Variants in LPA observed in about 807,000 individuals in gnomAD.
LPA encodes apolipoprotein(a).
Under a neutral mutation model 197.9 loss-of-function variants are expected in LPA, and 199 were observed. That is an observed-to-expected ratio of 1.01 (90% CI 0.90 to 1.13). LPA has a LOEUF of 1.13. LPA is among the 50% of genes most tolerant of loss of function. The pLI, the probability that LPA is intolerant of heterozygous loss-of-function variation, is 0.00. For missense variants in LPA, 1,853 were observed against 1,785.8 expected (o/e 1.04, Z -0.68); for synonymous variants, 715 against 639.5 (o/e 1.12, Z -1.78).
chr6:160,600,728 C>T (rs1371162857), intron 19 of LPA, among the ~76,000 whole-genome samples, 189 bp downstream of exon 19: 2 of 152,106 alleles, frequency 1.3e-5, no homozygotes, highest in East Asian at 1.9e-4. Flanking sequence ...AGACACAGCT[C>T]GCACAGGTTG....
Position 160,599,666 on chromosome 6 carries a change from T to C in LPA, c.3128-7A>G. ...GGGGTTTCCTCAGTCAGTGCTGAAATTAAAACAGAAGACATCAAGCTTATT... is the reference window on the plus strand; with the variant it reads ...GGGGTTTCCTCAGTCAGTGCTGAAACTAAAACAGAAGACATCAAGCTTATT... On this transcript the variant is annotated splice_polypyrimidine_tract_variant and splice_region_variant and intron_variant, in intron 19 of 38. Transcript: ENST00000316300. 6.2e-7 allele frequency: 1 copy of C among 1,613,846 alleles called. No individual in the cohort carries two copies. Among genetic ancestry groups the C allele is most frequent in the South Asian group, 1.1e-5 (1 of 91,072 alleles).
intron 26 of LPA, 60 bp from the exon 27 acceptor site, chr6:160,578,764 C>T (rs1778735359): frequency 9.3e-6 from 15 of 1,610,396 alleles, no homozygotes; most frequent in Non-Finnish European, 1.3e-5. Context: ...GGGCACTTAG[C>T]GCCCTCTACA....
At chr6:160,652,690 G>A (rs1780028939) in intron 1 of LPA, among the ~76,000 whole-genome samples, 3 of 151,966 alleles carry the variant, frequency 2.0e-5, no homozygotes, top group Middle Eastern at 6.8e-3. Context: ...GATTATTCAG[G>A]GTAAAAATAG....
intron 30 of LPA, among the ~76,000 whole-genome samples, chr6:160,549,378 C>T (rs749732504): frequency 6.0e-4 from 92 of 152,244 alleles, no homozygotes; most frequent in African/African-American, 1.8e-3. Context: ...CTAGAGGAAC[C>T]GGTATACGGA....
In LPA at chr6:160,608,168, T is replaced by C. The variant is rs556884174; in HGVS notation, c.2604-1510A>G. On this transcript the variant is annotated intron_variant, in intron 16 of 38. Transcript: ENST00000316300. ...CTACATTTGCCAATTGCTGGGTTCTTCATTACATGGGCTGCAGAAAGTTCC... is the reference window on the plus strand; with the variant it reads ...CTACATTTGCCAATTGCTGGGTTCTCCATTACATGGGCTGCAGAAAGTTCC... 1.6e-3 allele frequency among the ~76,000 whole-genome samples: 251 copies of C among 152,194 alleles called. 1 individual carries two copies. The highest frequency in any genetic ancestry group is 2.9e-3 in the Non-Finnish European group (198 of 68,046).
intron 1 of LPA, among the ~76,000 whole-genome samples, chr6:160,655,962 G>T (rs1582904254): frequency 2.0e-5 from 3 of 152,270 alleles, no homozygotes; most frequent in South Asian, 4.1e-4. Flanking sequence ...GCTTCTGGTG[G>T]GTCTTATGGA....
chr6:160,534,650 CATT>C (rs1777858202), intron 37 of LPA, among the ~76,000 whole-genome samples: 1 of 152,206 alleles, frequency 6.6e-6, no homozygotes, highest in African/African-American at 2.4e-5. Flanking sequence ...GATCTGATGT[CATT>C]ATTAACATGT....
intron 28 of LPA, among the ~76,000 whole-genome samples, chr6:160,570,577 A>G (rs1252095023): frequency 6.6e-6 from 1 of 152,210 alleles, no homozygotes; most frequent in Non-Finnish European, 1.5e-5. Context: ...TGGCACATGT[A>G]TACATATGTA....
At chr6:160,600,847 C>T (rs369538398) in intron 19 of LPA, 70 bp downstream of exon 19, 47 of 1,529,296 alleles carry the variant, frequency 3.1e-5, no homozygotes, top group South Asian at 2.3e-4. Flanking sequence ...AAGGGTTGTG[C>T]GTCAGTGGGG....
In LPA at chr6:160,661,377, G is replaced by C. The variant is rs557687975; in HGVS notation, c.49+2789C>G. ...AGCAGCGAGACTTCTAGGGAATACA[G>C]GGTCAGGGGAGGTTCTGAAAGATGA... On this transcript the variant is annotated intron_variant, in intron 1 of 38. Transcript: ENST00000316300. Among the ~76,000 whole-genome samples the C allele has an allele frequency of 3.3e-5, 5 of 152,270 alleles. No individual in the cohort carries two copies. The East Asian group carries it at 9.7e-4, about 29-fold the overall frequency.
rs759709456 is a variant in LPA at position 160,542,678 on chromosome 6, CT to C, written c.5519+9del. On this transcript the variant is annotated intron_variant, in intron 34 of 38. Transcript: ENST00000316300. Reference sequence around the variant, plus strand: ...AGGACAGTATAGATGGTTTCTGGGCCTGTTCTTACCTTGTTCTGAGACTGAC... The same window carrying C: ...AGGACAGTATAGATGGTTTCTGGGCCGTTCTTACCTTGTTCTGAGACTGAC... 50 of 1,612,796 alleles carry C rather than the reference CT, an allele frequency of 3.1e-5. 2 individuals carry two copies. The South Asian group carries it at 5.3e-4, about 17-fold the overall frequency.
intron 30 of LPA, among the ~76,000 whole-genome samples, chr6:160,549,829 G>A (rs1778139377): frequency 6.6e-6 from 1 of 152,200 alleles, no homozygotes; most frequent in Admixed American, 6.5e-5. Flanking sequence ...ATGAGATGAA[G>A]GAACAGTGGG....
intron 26 of LPA, among the ~76,000 whole-genome samples, chr6:160,580,533 TGA>T (rs1778773861): frequency 6.6e-6 from 1 of 152,320 alleles, no homozygotes; most frequent in South Asian, 2.1e-4. Flanking sequence ...CACCAGCATA[TGA>T]GAGAGTGGCA....
At chr6:160,603,308 G>T (rs1158747330) in intron 18 of LPA, among the ~76,000 whole-genome samples, 2 of 151,750 alleles carry the variant, frequency 1.3e-5, no homozygotes, top group Non-Finnish European at 2.9e-5. Flanking sequence ...GTGTATATGT[G>T]TGTGTCATTT....
At chr6:160,608,792 G>GT (rs1379501111) in intron 16 of LPA, among the ~76,000 whole-genome samples, 3 of 149,430 alleles carry the variant, frequency 2.0e-5, no homozygotes, top group African/African-American at 7.5e-5. Context: ...GGTTCGGTTG[G>GT]TTTTCTATTT....
intron 28 of LPA, among the ~76,000 whole-genome samples, chr6:160,560,979 G>C (rs1054132617): frequency 1.3e-5 from 2 of 151,940 alleles, no homozygotes; most frequent in Non-Finnish European, 2.9e-5. Flanking sequence ...GCACAATCTT[G>C]GCTTGCTGCA....
intron 28 of LPA, among the ~76,000 whole-genome samples, chr6:160,572,493 T>C (rs915614013): frequency 3.3e-5 from 5 of 152,212 alleles, no homozygotes; most frequent in Non-Finnish European, 7.3e-5. Context: ...ACTTTTGTTT[T>C]ATAGGTCCTG....
Position 160,640,680 on chromosome 6 carries a change from A to T in LPA, c.720T>A (p.Ala240=). The T allele has an allele frequency of 3.5e-6, 1 of 285,844 alleles. No homozygotes were observed. Among genetic ancestry groups the T allele is most frequent in the Non-Finnish European group, 5.9e-6 (1 of 170,522 alleles). 17.7% of individuals were successfully genotyped at this position (285,844 alleles called of 1,614,324 possible). ...CAGACTCCTTACCTTGTTCGGAAGGAGCCTCTAGGCTTGGAACCGGGGTAA... is the reference window on the plus strand; with the variant it reads ...CAGACTCCTTACCTTGTTCGGAAGGTGCCTCTAGGCTTGGAACCGGGGTAA... The part of the protein sequence containing the change: ...PTVTPVPSLE[A]PSEQAPTEQR... The change falls in exon 5 of 39, where the codon GCT becomes GCA. Residue 240 remains alanine, a synonymous_variant. Coordinates refer to ENST00000316300, the MANE Select transcript of LPA (RefSeq NM_005577.4).
At position 160,650,349 on chromosome 6, in the gene LPA, G is replaced by C; in HGVS notation, c.198C>G (p.Asn66Lys). ...GATTAATGACATACGCATTTGGGTA[G>C]TTTTCTGTGGTCCTATTATGTTGAT... Reference protein sequence around the residue: ...TPHQHNRTTENYPNAGLIMNY... With the variant: ...TPHQHNRTTEKYPNAGLIMNY... Residue 66 changes from asparagine (N) to lysine (K), a missense_variant, in exon 2 of 39, where the codon AAC (asparagine) becomes AAG (lysine). Asn to Lys is a moderately conservative substitution (Grantham distance 94). Transcript: ENST00000316300. The C allele has an allele frequency of 6.2e-7, 1 of 1,613,596 alleles. No homozygotes were observed. Among genetic ancestry groups the C allele is most frequent in the African/African-American group, 1.3e-5 (1 of 75,012 alleles).
Sources: gnomAD v4.1 joint callset for allele counts (sites outside exome capture counted in the v4.1 genomes callset) on GRCh38, gnomAD v4.1.1 for gene constraint, MANE v1.5 for transcripts, NCBI Gene and HGNC (gene_info 2026-07-23, HGNC 2026-07-21) for gene names.